Variants in PRKN observed in about 807,000 individuals in gnomAD.
PRKN encodes the protein E3 ubiquitin-protein ligase parkin.
Under a neutral mutation model 59.5 loss-of-function variants are expected in PRKN, and 56 were observed. The observed-to-expected ratio is 0.94, with a 90% CI of 0.76 to 1.18. PRKN has a LOEUF of 1.18. PRKN is among the 50% of genes most tolerant of loss of function. The pLI, the probability that PRKN is intolerant of heterozygous loss-of-function variation, is 0.00. For synonymous variants in PRKN, 250 were observed against 222.1 expected (o/e 1.13, Z -1.12); for missense variants, 657 against 596.4 (o/e 1.10, Z -1.06).
chr6:161,859,407 A>G (rs1793794969), intron 6 of PRKN, among the ~76,000 whole-genome samples: 1 of 151,868 alleles, frequency 6.6e-6, no homozygotes, highest in Non-Finnish European at 1.5e-5. Flanking sequence ...GATCGAGACC[A>G]TCCTGGCCAA....
intron 7 of PRKN, among the ~76,000 whole-genome samples, chr6:161,686,528 T>A (rs1474575713): frequency 6.6e-6 from 1 of 152,228 alleles, no homozygotes; most frequent in Non-Finnish European, 1.5e-5. Context: ...TTATTAAGTT[T>A]TGTTATTATG....
At chr6:162,255,693 C>G (rs1448447826) in intron 3 of PRKN, among the ~76,000 whole-genome samples, 1 of 152,190 alleles carries the variant, frequency 6.6e-6, no homozygotes, top group Non-Finnish European at 1.5e-5. Context: ...CCCACACTTA[C>G]TGCCAGTCGG....
intron 10 of PRKN, among the ~76,000 whole-genome samples, chr6:161,383,379 G>T (rs1034726396): frequency 6.6e-6 from 1 of 152,240 alleles, no homozygotes; most frequent in Non-Finnish European, 1.5e-5. Context: ...TCATAGAGAA[G>T]GTGCTGGTAA....
intron 1 of PRKN, among the ~76,000 whole-genome samples, chr6:162,724,075 T>C (rs1779035205): frequency 6.6e-6 from 1 of 152,186 alleles, no homozygotes. Flanking sequence ...CTAAATCCAG[T>C]TCTACAGAAC....
At chr6:161,868,620 G>A (rs1172548953) in intron 6 of PRKN, among the ~76,000 whole-genome samples, 1 of 152,134 alleles carries the variant, frequency 6.6e-6, no homozygotes, top group Non-Finnish European at 1.5e-5. Flanking sequence ...TTAATACTTT[G>A]CTCTTAATTT....
chr6:162,324,306 C>G (rs1324016668), intron 2 of PRKN, among the ~76,000 whole-genome samples: 1 of 152,044 alleles, frequency 6.6e-6, no homozygotes, highest in Non-Finnish European at 1.5e-5. Context: ...TGCCGCAAAG[C>G]AGCACAGAGA....
At chr6:162,102,883 A>T (rs1780033541) in intron 4 of PRKN, among the ~76,000 whole-genome samples, 2 of 151,920 alleles carry the variant, frequency 1.3e-5, no homozygotes, top group Admixed American at 1.3e-4. Context: ...CTCTACTGAA[A>T]ATACAAAAAA....
chr6:161,599,442 C>A (rs190494192), intron 7 of PRKN, among the ~76,000 whole-genome samples: 7 of 152,264 alleles, frequency 4.6e-5, no homozygotes, highest in African/African-American at 1.7e-4. Flanking sequence ...TTAACCTAAC[C>A]AAAAGATGTA....
intron 1 of PRKN, among the ~76,000 whole-genome samples, chr6:162,464,893 GCC>G: frequency 6.6e-6 from 1 of 151,412 alleles, no homozygotes; most frequent in East Asian, 1.9e-4. Flanking sequence ...AGTTTTAAGA[GCC>G]CCCCCTCCTC....
At chr6:162,693,501 G>C (rs1477725316) in intron 1 of PRKN, among the ~76,000 whole-genome samples, 1 of 152,202 alleles carries the variant, frequency 6.6e-6, no homozygotes, top group Non-Finnish European at 1.5e-5. Context: ...TAACAGATGT[G>C]AGGGCGGGGA....
intron 6 of PRKN, among the ~76,000 whole-genome samples, chr6:161,810,472 CT>C (rs1322431173): frequency 6.6e-6 from 1 of 152,138 alleles, no homozygotes; most frequent in Non-Finnish European, 1.5e-5. Context: ...ACTGTGTGAC[CT>C]CCTTAAAATT....
At chr6:162,076,553 GT>G (rs1438824153) in intron 4 of PRKN, among the ~76,000 whole-genome samples, 3 of 151,950 alleles carry the variant, frequency 2.0e-5, no homozygotes, top group Non-Finnish European at 4.4e-5. Flanking sequence ...ATTCAGGCCT[GT>G]TTCTTTATGA....
intron 4 of PRKN, among the ~76,000 whole-genome samples, chr6:162,115,518 A>G (rs1019758816): frequency 6.6e-6 from 1 of 150,812 alleles, no homozygotes; most frequent in African/African-American, 2.4e-5. Context: ...ATACATTAAA[A>G]TAAATAAATA....
chr6:161,581,681 C>A lies in PRKN; in HGVS notation c.872-12265G>T, dbSNP rs889003979. 2.0e-5 allele frequency among the ~76,000 whole-genome samples: 3 copies of A among 152,134 alleles called. No individual in the cohort carries two copies. Among genetic ancestry groups the A allele is most frequent in the Admixed American group, 1.3e-4 (2 of 15,282 alleles). On this transcript the variant is annotated intron_variant, in intron 7 of 11. Transcript: ENST00000366898. The surrounding 1 kb of genome is among the most constrained non-coding windows in gnomAD (Gnocchi z 4.5). ...GGAAGAAATGAAGGAAAAATGGAAT[C>A]GCTGGCCTGAGAATGAACATCAGCA...
chr6:161,870,935 T>A (rs1438082387), intron 6 of PRKN, among the ~76,000 whole-genome samples: 4 of 152,022 alleles, frequency 2.6e-5, no homozygotes, highest in African/African-American at 9.7e-5. Context: ...GGAAAAATAC[T>A]GAAGAGAGAT....
intron 6 of PRKN, among the ~76,000 whole-genome samples, chr6:161,805,597 C>T (rs1158287163): frequency 6.6e-6 from 1 of 152,194 alleles, no homozygotes; most frequent in Non-Finnish European, 1.5e-5. Flanking sequence ...AGGGCTCCAG[C>T]GCAGGCCCTC....
At chr6:162,394,484 G>A (rs1490992574) in intron 2 of PRKN, among the ~76,000 whole-genome samples, 2 of 152,194 alleles carry the variant, frequency 1.3e-5, no homozygotes, top group Admixed American at 6.5e-5. Flanking sequence ...GATAGTCTGT[G>A]TGGCTGCAGG....
At chr6:162,435,704 C>G (rs185083362) in intron 2 of PRKN, among the ~76,000 whole-genome samples, 2 of 152,146 alleles carry the variant, frequency 1.3e-5, no homozygotes, top group African/African-American at 4.8e-5. Flanking sequence ...AGGAGGCCAG[C>G]AGTAAGTTCC....
At chr6:162,240,221 A>T (rs528777904) in intron 3 of PRKN, among the ~76,000 whole-genome samples, 160 of 152,252 alleles carry the variant, frequency 1.1e-3, no homozygotes, top group Middle Eastern at 3.4e-3. Context: ...ACAATTAAAA[A>T]TTTTTTAAAA....
Sources: gnomAD v4.1 joint callset for allele counts (sites outside exome capture counted in the v4.1 genomes callset) on GRCh38, gnomAD v4.1.1 for gene constraint, Gnocchi (gnomAD v3.1) non-coding constraint, MANE v1.5 for transcripts, NCBI Gene and HGNC (gene_info 2026-07-23, HGNC 2026-07-21) for gene names.